HMGXB4: variants seen among roughly 807,000 people sequenced by gnomAD.
HMGXB4 encodes HMG-box containing 4.
Under a neutral mutation model 63.9 loss-of-function variants are expected in HMGXB4, and 27 were observed. The ratio of observed to expected loss-of-function variants is 0.42; its 90% CI spans 0.31 to 0.58. The LOEUF is 0.58. HMGXB4 is among the 20% of genes least tolerant of loss of function. The probability of loss-of-function intolerance (pLI) is 0.13; values close to 1 mark genes in which losing one functional copy is unlikely to be tolerated. For missense variants in HMGXB4, 624 were observed against 700.7 expected, an observed-to-expected ratio of 0.89 and a Z score of 1.24; for synonymous variants, 264 against 265.3, an observed-to-expected ratio of 0.99 and a Z score of 0.05.
At chr22:35,241,545 T>A in the HMGXB4 span, among the ~76,000 whole-genome samples, 1 of 152,302 alleles carries the variant, frequency 6.6e-6, no homozygotes, top group East Asian at 1.9e-4. Flanking sequence ...TGGATCCCGG[T>A]GGTGCCAGGC....
In HMGXB4 at chr22:35,263,138, G is replaced by A. The variant is rs776809462; in HGVS notation, c.92G>A (p.Arg31Gln). Residue 31 changes from arginine (R) to glutamine (Q), a missense_variant, in exon 3 of 11, where the codon CGA becomes CAA. Coordinates refer to ENST00000216106, the MANE Select transcript of HMGXB4 (RefSeq NM_001003681.3). Reference sequence around the variant, plus strand: ...GGACTTGCAGCTGGCCGAAGCCAACGAGAGAAAAAACGTTCTTACAAAGAT... The same window carrying A: ...GGACTTGCAGCTGGCCGAAGCCAACAAGAGAAAAAACGTTCTTACAAAGAT... ...DIGLAAGRSQ[R>Q]EKKRSYKDFL... The A allele has an allele frequency of 5.6e-6, 9 of 1,613,800 alleles. No homozygotes were observed. Among genetic ancestry groups the A allele is most frequent in the East Asian group, 2.2e-5 (1 of 44,894 alleles).
At chr22:35,256,827 A>G (rs1922434459), upstream of HMGXB4, among the ~76,000 whole-genome samples, 1 of 152,216 alleles carries the variant, frequency 6.6e-6, no homozygotes, top group Non-Finnish European at 1.5e-5. Flanking sequence ...ACCAAGTTCT[A>G]TACACTGTAA....
chr22:35,269,087 A>G (rs746086832), intron 5 of HMGXB4, among the ~76,000 whole-genome samples: 12 of 152,210 alleles, frequency 7.9e-5, no homozygotes, highest in Non-Finnish European at 1.6e-4. Context: ...CTTAGAATTC[A>G]TAGAAGGAGC....
In HMGXB4 at chr22:35,287,505, C is replaced by T. The variant is rs547424133; in HGVS notation, c.1468+53C>T. ...TCTCTAAAGCATGTGAATTTTGCTT[C>T]CTTGCTAAGAAACTGGGAAAAAAGC... On this transcript the variant is annotated intron_variant, in intron 8 of 10. Coordinates refer to ENST00000216106, the MANE Select transcript of HMGXB4 (RefSeq NM_001003681.3). The T allele has an allele frequency of 6.9e-5, 91 of 1,321,798 alleles. No individual in the cohort carries two copies. The South Asian group carries it at 9.3e-4, about 14-fold the overall frequency. 81.9% of individuals were successfully genotyped at this position (1,321,798 alleles called of 1,614,324 possible).
At chr22:35,255,220 A>G (rs192553529), upstream of HMGXB4, among the ~76,000 whole-genome samples, 57 of 152,252 alleles carry the variant, frequency 3.7e-4, no homozygotes, top group Non-Finnish European at 3.8e-4. Context: ...TTCCAGGGCC[A>G]GGCATGGTGG....
the HMGXB4 span, among the ~76,000 whole-genome samples, chr22:35,244,297 CTTTT>C: frequency 8.2e-6 from 1 of 122,188 alleles, no homozygotes; most frequent in Non-Finnish European, 1.8e-5. Context: ...TTTCTTTTTT[CTTTT>C]TTTTTTTTTT....
Position 35,263,888 on chromosome 22 carries a change from TG to T in HMGXB4, c.259+17del. On this transcript the variant is annotated intron_variant, in intron 4 of 10. Transcript: ENST00000216106. ...ACTACTATGGAGGTGAGGATGGGAA[TG>T]GGCAACAGGTGGGATAAACACATCG... is the stretch of plus-strand genomic sequence containing the variant. 6.2e-7 allele frequency: 1 copy of T among 1,610,814 alleles called. No homozygotes were observed. Among genetic ancestry groups the T allele is most frequent in the Non-Finnish European group, 8.5e-7 (1 of 1,177,020 alleles).
intron 1 of HMGXB4, chr22:35,262,049 CATTA>C (rs1922893754): frequency 3.9e-6 from 1 of 257,714 alleles, no homozygotes; most frequent in African/African-American, 2.2e-5. Flanking sequence ...TAGAAATTCT[CATTA>C]ATTTTGAAAA....
At chr22:35,278,438 A>G (rs995874961) in intron 5 of HMGXB4, among the ~76,000 whole-genome samples, 4 of 152,152 alleles carry the variant, frequency 2.6e-5, no homozygotes, top group Non-Finnish European at 5.9e-5. Flanking sequence ...ACTGTTTTCC[A>G]AAGTGGCTGT....
chr22:35,282,240 A>G (rs1351907012), intron 5 of HMGXB4, among the ~76,000 whole-genome samples: 6 of 152,152 alleles, frequency 3.9e-5, no homozygotes, highest in South Asian at 2.1e-4. Flanking sequence ...GCAGTGGTGC[A>G]ATCTCGGCTT....
chr22:35,294,122 T>G lies in HMGXB4; in HGVS notation c.*471T>G, dbSNP rs1035489904. The G allele has an allele frequency of 2.0e-5, 3 of 152,796 alleles. No individual in the cohort carries two copies. Among genetic ancestry groups the G allele is most frequent in the Admixed American group, 1.3e-4 (2 of 15,286 alleles). 9.5% of individuals were successfully genotyped at this position (152,796 alleles called of 1,614,324 possible). ...GGGAAGATGCCAGTTGACTGAAAATTCAAAGCCTTTCAATTTGAAGTGACC... is the reference window on the plus strand; with the variant it reads ...GGGAAGATGCCAGTTGACTGAAAATGCAAAGCCTTTCAATTTGAAGTGACC... On this transcript the variant is annotated 3_prime_UTR_variant, in exon 11 of 11. Coordinates refer to ENST00000216106, the MANE Select transcript of HMGXB4 (RefSeq NM_001003681.3).
Position 35,257,901 on chromosome 22 carries a change from G to C in HMGXB4, c.-69+344G>C, listed in dbSNP as rs374387216. 5.5e-3 allele frequency among the ~76,000 whole-genome samples: 834 copies of C among 152,136 alleles called. 10 individuals carry two copies. The highest frequency in any genetic ancestry group is 0.019 in the African/African-American group (780 of 41,532). ...CCGGGCCGTCTCCGCCCTCGGGGGC[G>C]CCGTGAGGCCGCCGGAGACGCGGGA... On this transcript the variant is annotated intron_variant, in intron 1 of 10. Coordinates refer to ENST00000216106, the MANE Select transcript of HMGXB4 (RefSeq NM_001003681.3).
At chr22:35,252,115 T>A in the HMGXB4 span, among the ~76,000 whole-genome samples, 2 of 152,238 alleles carry the variant, frequency 1.3e-5, no homozygotes, top group South Asian at 4.2e-4. Context: ...CTTGGGAGGC[T>A]AAGGCAGGAC....
the HMGXB4 span, among the ~76,000 whole-genome samples, chr22:35,249,390 C>A: frequency 3.0e-5 from 3 of 99,186 alleles, 1 homozygote; most frequent in East Asian, 2.8e-4. Flanking sequence ...AATAAATTAA[C>A]CTTGCTACTG....
At chr22:35,268,183 C>CA (rs1215026089) in intron 5 of HMGXB4, among the ~76,000 whole-genome samples, 1 of 152,222 alleles carries the variant, frequency 6.6e-6, no homozygotes, top group Non-Finnish European at 1.5e-5. Flanking sequence ...AAACCTCTAT[C>CA]AAGATACAGA....
At chr22:35,282,120 G>T (rs978906442) in intron 5 of HMGXB4, among the ~76,000 whole-genome samples, 2 of 152,336 alleles carry the variant, frequency 1.3e-5, no homozygotes, top group South Asian at 4.1e-4. Context: ...CACAAAACCT[G>T]ACTCTTAAGG....
chr22:35,259,140 C>A (rs1375644910), intron 1 of HMGXB4, among the ~76,000 whole-genome samples: 1 of 151,684 alleles, frequency 6.6e-6, no homozygotes, highest in Admixed American at 6.6e-5. Flanking sequence ...CTGCCCCCTC[C>A]TTTTTCATAT....
intron 9 of HMGXB4, among the ~76,000 whole-genome samples, chr22:35,292,115 G>A (rs1924967148): frequency 6.6e-6 from 1 of 152,176 alleles, no homozygotes; most frequent in Non-Finnish European, 1.5e-5. Flanking sequence ...AGCCAGAAAT[G>A]CAGTTTTGAA....
chr22:35,272,685 C>T (rs1336140388), intron 5 of HMGXB4, among the ~76,000 whole-genome samples: 1 of 152,152 alleles, frequency 6.6e-6, no homozygotes, highest in South Asian at 2.1e-4. Context: ...ACCTGTAATC[C>T]AGCACTTTGG....
Sources: gnomAD v4.1 joint callset for allele counts (sites outside exome capture counted in the v4.1 genomes callset) on GRCh38, gnomAD v4.1.1 for gene constraint, MANE v1.5 for transcripts, NCBI Gene and HGNC (gene_info 2026-07-23, HGNC 2026-07-21) for gene names.